TBC1D2B: variants seen among roughly 807,000 people sequenced by gnomAD.
TBC1D2B encodes the protein TBC1 domain family member 2B, also known as TBC1 domain family, member 2B.
Under a neutral mutation model 100.8 loss-of-function variants are expected in TBC1D2B, and 64 were observed. That is an observed-to-expected ratio of 0.64 (90% CI 0.52 to 0.78). The LOEUF is 0.78. TBC1D2B is among the 30% of genes least tolerant of loss of function. The pLI, the probability that TBC1D2B is intolerant of heterozygous loss-of-function variation, is 0.00. For synonymous variants in TBC1D2B, 480 were observed against 479.7 expected, an observed-to-expected ratio of 1.00 and a Z score of -0.01; for missense variants, 1,052 against 1,218.4, an observed-to-expected ratio of 0.86 and a Z score of 2.03.
intron 9 of TBC1D2B, among the ~76,000 whole-genome samples, chr15:78,009,975 A>C (rs2072179875): frequency 1.7e-5 from 1 of 58,782 alleles, no homozygotes; most frequent in Non-Finnish European, 3.8e-5. Context: ...ACTCCGTCTC[A>C]AAAAAAAAAA....
At chr15:78,050,991 C>T (rs2073301566) in intron 2 of TBC1D2B, among the ~76,000 whole-genome samples, 1 of 152,190 alleles carries the variant, frequency 6.6e-6, no homozygotes, top group Non-Finnish European at 1.5e-5. Flanking sequence ...GCATAAGCCA[C>T]AGGTTTCTGG....
chr15:78,063,841 G>A (rs528990247), intron 1 of TBC1D2B, among the ~76,000 whole-genome samples: 6 of 151,964 alleles, frequency 3.9e-5, no homozygotes, highest in Non-Finnish European at 8.8e-5. Flanking sequence ...CAGTCTCAGA[G>A]TCATCTACCC....
At chr15:78,004,682 G>A (rs2072019829) in intron 10 of TBC1D2B, among the ~76,000 whole-genome samples, 1 of 152,136 alleles carries the variant, frequency 6.6e-6, no homozygotes, top group Non-Finnish European at 1.5e-5. Flanking sequence ...TTGGACAATT[G>A]GATTTTATGG....
rs1214155600 is a variant in TBC1D2B, at chr15:77,995,537, C to T, written c.*2623G>A. ...CAGATACACACAAGGGAGTCACACA[C>T]ATAACATAATAACTTGTTATATAAA... is the stretch of plus-strand genomic sequence containing the variant. On this transcript the variant is annotated 3_prime_UTR_variant, in exon 13 of 13. Coordinates refer to ENST00000300584, the MANE Select transcript of TBC1D2B (RefSeq NM_144572.2). The T allele has an allele frequency of 6.6e-6, 1 of 152,026 alleles. No individual in the cohort carries two copies. Among genetic ancestry groups the T allele is most frequent in the African/African-American group, 2.4e-5 (1 of 41,332 alleles). The allele number at this position is 152,026 out of a possible 1,614,324, so 9.4% of individuals were successfully genotyped here.
At chr15:78,031,175 AT>A (rs1288122560) in intron 3 of TBC1D2B, among the ~76,000 whole-genome samples, 1 of 152,180 alleles carries the variant, frequency 6.6e-6, no homozygotes, top group Non-Finnish European at 1.5e-5. Context: ...TAGCAAAACT[AT>A]TTTTTTAAGT....
chr15:78,007,917 G>A (rs2072110004), intron 10 of TBC1D2B, among the ~76,000 whole-genome samples: 1 of 152,248 alleles, frequency 6.6e-6, no homozygotes, highest in Non-Finnish European at 1.5e-5. Flanking sequence ...TCAGTCTCCT[G>A]CCAGCACCTC....
rs1488368754 is a variant in TBC1D2B at position 78,029,087 on chromosome 15, C to T, written c.847+920G>A. Among the ~76,000 whole-genome samples, 6 of 149,486 alleles carry T rather than the reference C, an allele frequency of 4.0e-5. No individual in the cohort carries two copies. The East Asian group carries it at 1.2e-3, about 29-fold the overall frequency. ...TTTTTTTTTTTTTGAGACAGAGTCT[C>T]GGTCTGTCACCCAGGCTAGAGTGCA... On this transcript the variant is annotated intron_variant, in intron 4 of 12. Transcript: ENST00000300584.
intron 12 of TBC1D2B, among the ~76,000 whole-genome samples, chr15:78,000,508 G>A (rs1484156916): frequency 6.6e-6 from 1 of 152,240 alleles, no homozygotes; most frequent in African/African-American, 2.4e-5. Flanking sequence ...ACTTTCCCCA[G>A]CAAATATGAT....
intron 3 of TBC1D2B, among the ~76,000 whole-genome samples, chr15:78,041,866 T>C (rs62011511): frequency 0.27 from 40,789 of 152,194 alleles, 5,907 homozygotes; most frequent in East Asian, 0.36. Context: ...ACTTCCTAAG[T>C]GCCAGGGACT....
At chr15:78,039,170 A>G (rs1232900503) in intron 3 of TBC1D2B, among the ~76,000 whole-genome samples, 1 of 152,228 alleles carries the variant, frequency 6.6e-6, no homozygotes. Context: ...TGGCAGACAT[A>G]GCTGTGCCTT....
intron 8 of TBC1D2B, among the ~76,000 whole-genome samples, chr15:78,013,980 G>A (rs2072303144): frequency 6.6e-6 from 1 of 152,212 alleles, no homozygotes; most frequent in Non-Finnish European, 1.5e-5. Flanking sequence ...GACGGGAGGT[G>A]TGAGAGGGGC....
At chr15:78,034,535 A>C (rs2072899245) in intron 3 of TBC1D2B, 1 of 985,324 alleles carries the variant, frequency 1.0e-6, no homozygotes, top group Non-Finnish European at 1.2e-6. Context: ...TGAATGCAGG[A>C]AAGAGAAATA....
intron 1 of TBC1D2B, chr15:78,066,018 G>A (rs766206354): frequency 3.4e-5 from 16 of 470,908 alleles, no homozygotes; most frequent in Non-Finnish European, 7.0e-5. Flanking sequence ...GGATCTGAAA[G>A]TACTTACCAG....
intron 3 of TBC1D2B, among the ~76,000 whole-genome samples, chr15:78,044,341 C>T (rs770704885): frequency 2.1e-4 from 32 of 152,068 alleles, no homozygotes; most frequent in Non-Finnish European, 4.3e-4. Flanking sequence ...GCCTGTAGTC[C>T]CAACTACTCA....
intron 3 of TBC1D2B, among the ~76,000 whole-genome samples, chr15:78,041,969 G>A (rs1402287951): frequency 6.6e-6 from 1 of 152,204 alleles, no homozygotes; most frequent in Non-Finnish European, 1.5e-5. Flanking sequence ...AGAAACGGAG[G>A]CACAGAATAT....
chr15:78,054,965 C>T (rs929648544), intron 1 of TBC1D2B, among the ~76,000 whole-genome samples: 15 of 152,062 alleles, frequency 9.9e-5, no homozygotes, highest in African/African-American at 2.9e-4. Flanking sequence ...AAAACTGGTA[C>T]ATCTATACAA....
chr15:78,000,280 G>A (rs1324951055), intron 12 of TBC1D2B, among the ~76,000 whole-genome samples: 3 of 152,210 alleles, frequency 2.0e-5, no homozygotes, highest in Admixed American at 6.5e-5. Flanking sequence ...GTTGGCCTGC[G>A]GTGCCAGGGA....
intron 1 of TBC1D2B, among the ~76,000 whole-genome samples, chr15:78,070,255 A>T (rs1444398012): frequency 1.9e-5 from 2 of 105,804 alleles, no homozygotes; most frequent in East Asian, 2.8e-4. Flanking sequence ...CTCCACCCCC[A>T]CCCCCGCTCC....
intron 4 of TBC1D2B, among the ~76,000 whole-genome samples, chr15:78,027,775 A>T (rs1377329624): frequency 6.6e-6 from 1 of 152,218 alleles, no homozygotes; most frequent in African/African-American, 2.4e-5. Context: ...ACTTATTTTC[A>T]ATAACCCAAA....
Sources: gnomAD v4.1 joint callset for allele counts (sites outside exome capture counted in the v4.1 genomes callset) on GRCh38, gnomAD v4.1.1 for gene constraint, MANE v1.5 for transcripts, NCBI Gene and HGNC (gene_info 2026-07-23, HGNC 2026-07-21) for gene names.